ENTPD1: variants seen among roughly 807,000 people sequenced by gnomAD.
The protein encoded by ENTPD1 is ATP diphosphohydrolase.
In ENTPD1, 33 loss-of-function variants were observed where a neutral mutation model predicts 57.0. That is an observed-to-expected ratio of 0.58 (90% CI 0.44 to 0.77). The LOEUF (loss-of-function observed/expected upper bound fraction) is 0.77, where lower values mean the gene tolerates loss of function less well. Ranked by LOEUF, ENTPD1 falls within the 30% of genes least tolerant of loss-of-function variation. The pLI is 0.00. For synonymous variants in ENTPD1, 202 were observed against 218.8 expected, an observed-to-expected ratio of 0.92 and a Z score of 0.68; for missense variants, 501 against 603.4, an observed-to-expected ratio of 0.83 and a Z score of 1.78.
chr10:95,859,569 A>G lies in ENTPD1; in HGVS notation c.1075-900A>G, dbSNP rs552275117. 2.0e-4 allele frequency among the ~76,000 whole-genome samples: 30 copies of G among 152,314 alleles called. 1 individual carries two copies. In the South Asian group the frequency reaches 6.2e-3, roughly 32 times the overall value. ...AAATGATGTGCTCCTTTAATATCCA[A>G]CATGATTTCCCCCTAAAAACTGGCA... On this transcript the variant is annotated intron_variant, in intron 7 of 9. Transcript: ENST00000371205.
chr10:95,806,130 A>G (rs1272105794), intron 1 of ENTPD1, among the ~76,000 whole-genome samples: 2 of 152,228 alleles, frequency 1.3e-5, no homozygotes. Context: ...AGGTACACCA[A>G]TCAGACATAG....
chr10:95,756,907 T>A (rs1165618088), intron 1 of ENTPD1, among the ~76,000 whole-genome samples: 1 of 152,224 alleles, frequency 6.6e-6, no homozygotes, highest in Non-Finnish European at 1.5e-5. Context: ...AGGTCACATC[T>A]GACTACATTT....
chr10:95,803,843 A>C (rs994818361), intron 1 of ENTPD1, among the ~76,000 whole-genome samples: 1 of 152,238 alleles, frequency 6.6e-6, no homozygotes, highest in East Asian at 1.9e-4. Flanking sequence ...TAGGTCTAAC[A>C]TTTAAGTCTT....
chr10:95,762,802 T>C (rs2098071513), intron 1 of ENTPD1, among the ~76,000 whole-genome samples: 1 of 152,250 alleles, frequency 6.6e-6, no homozygotes, highest in Admixed American at 6.5e-5. Flanking sequence ...GGGCCCTTCA[T>C]GCTCTCAAAA....
rs184188472 is a variant in ENTPD1 at position 95,868,680 on chromosome 10, T to C, written c.*2297T>C. Reference sequence around the variant, plus strand: ...AATGAGGATCACACAAACTACTACATGGCAGAGCAGATACTCCAACTCATG... The same window carrying C: ...AATGAGGATCACACAAACTACTACACGGCAGAGCAGATACTCCAACTCATG... On this transcript the variant is annotated 3_prime_UTR_variant, in exon 10 of 10. Transcript: ENST00000371205. 3 of 979,886 alleles carry C rather than the reference T, an allele frequency of 3.1e-6. No individual in the cohort carries two copies. Among genetic ancestry groups the C allele is most frequent in the East Asian group, 1.1e-4 (1 of 8,782 alleles). The allele number at this position is 979,886 out of a possible 1,614,324, so 60.7% of individuals were successfully genotyped here. A position where few individuals can be genotyped will look rare whatever the true frequency, so the allele number is the denominator to read the frequency against.
intron 8 of ENTPD1, 39 bp downstream of exon 8, chr10:95,860,621 C>A: frequency 6.4e-7 from 1 of 1,560,690 alleles, no homozygotes; most frequent in Non-Finnish European, 8.8e-7. Flanking sequence ...AGCATGAGTG[C>A]CCTGTGTCGT....
At chr10:95,801,117 A>G (rs895235289) in intron 1 of ENTPD1, among the ~76,000 whole-genome samples, 2 of 152,142 alleles carry the variant, frequency 1.3e-5, no homozygotes, top group African/African-American at 4.8e-5. Flanking sequence ...TTCACAATTT[A>G]TTTTCTTCTG....
intron 4 of ENTPD1, 129 bp from the exon 5 acceptor site, chr10:95,844,347 A>G (rs181182384): frequency 1.6e-6 from 2 of 1,284,456 alleles, no homozygotes; most frequent in East Asian, 4.6e-5. Context: ...GAAGATCCCC[A>G]TCTCTTCATT....
intron 1 of ENTPD1, among the ~76,000 whole-genome samples, chr10:95,782,315 A>G (rs778555197): frequency 1.3e-5 from 2 of 152,246 alleles, no homozygotes; most frequent in Non-Finnish European, 2.9e-5. Flanking sequence ...TATTGAGTGA[A>G]GAACTGAAAA....
At chr10:95,774,956 T>C (rs369427831) in intron 1 of ENTPD1, among the ~76,000 whole-genome samples, 1 of 152,140 alleles carries the variant, frequency 6.6e-6, no homozygotes, top group East Asian at 1.9e-4. Context: ...ATTCTTCCTA[T>C]CCATGAGCAT....
chr10:95,875,914 G>A lies in ENTPD1; in HGVS notation c.*9531G>A, dbSNP rs1325472875. 1 of 955,802 alleles carries A rather than the reference G, an allele frequency of 1.0e-6. No homozygotes were observed. The highest frequency in any genetic ancestry group is 1.8e-5 in the African/African-American group (1 of 56,618). The allele number at this position is 955,802 out of a possible 1,614,324, so 59.2% of individuals were successfully genotyped here. A position where few individuals can be genotyped will look rare whatever the true frequency, so the allele number is the denominator to read the frequency against. On this transcript the variant is annotated 3_prime_UTR_variant, in exon 10 of 10. Coordinates refer to ENST00000371205, the MANE Select transcript of ENTPD1 (RefSeq NM_001776.6). ...TCCCCCTGGGTCCTGTGGGAATTCT[G>A]GAAGGTACAATTCAAGTTGAGATTT...
At chr10:95,782,122 AT>A (rs1476941930) in intron 1 of ENTPD1, among the ~76,000 whole-genome samples, 1 of 152,218 alleles carries the variant, frequency 6.6e-6, no homozygotes, top group East Asian at 1.9e-4. Context: ...CCATGAAGGC[AT>A]TGGTTTGCAG....
At chr10:95,793,614 C>G (rs955314513) in intron 1 of ENTPD1, among the ~76,000 whole-genome samples, 5 of 152,152 alleles carry the variant, frequency 3.3e-5, no homozygotes, top group African/African-American at 1.2e-4. Flanking sequence ...ATGCCCTGGC[C>G]TCACCTCAGA....
chr10:95,712,884 A>C (rs1321711733), intron 1 of ENTPD1, among the ~76,000 whole-genome samples: 2 of 152,142 alleles, frequency 1.3e-5, no homozygotes. Flanking sequence ...AATACAAAAA[A>C]TTAGCCGGGT....
In ENTPD1 at chr10:95,790,736, GTCTT is replaced by G. The variant is rs1471180940; in HGVS notation, c.17-32498_17-32495del. Among the ~76,000 whole-genome samples the G allele has an allele frequency of 2.6e-5, 4 of 152,076 alleles. No individual in the cohort carries two copies. In the East Asian group the frequency reaches 7.7e-4, roughly 29 times the overall value. ...CAGTATGAAAAAAATGTATAGCAGA[GTCTT>G]TCATGATATGCCCAAAGATGAGTTG... On this transcript the variant is annotated intron_variant, in intron 1 of 9. Coordinates refer to ENST00000371205, the MANE Select transcript of ENTPD1 (RefSeq NM_001776.6).
chr10:95,832,071 A>C (rs2098398181), intron 2 of ENTPD1, among the ~76,000 whole-genome samples: 1 of 152,238 alleles, frequency 6.6e-6, no homozygotes, highest in South Asian at 2.1e-4. Flanking sequence ...AGCCAGCACA[A>C]CATCTGATTT....
intron 1 of ENTPD1, among the ~76,000 whole-genome samples, chr10:95,715,896 A>G (rs925717635): frequency 2.0e-5 from 3 of 152,132 alleles, no homozygotes; most frequent in African/African-American, 7.2e-5. Context: ...ACAGGGTTTC[A>G]TTCTGTCACT....
chr10:95,725,503 C>G (rs1038386075), intron 1 of ENTPD1, among the ~76,000 whole-genome samples: 15 of 152,164 alleles, frequency 9.9e-5, no homozygotes, highest in Non-Finnish European at 2.2e-4. Context: ...AGCAATTTGT[C>G]TGGGATTAAA....
intron 1 of ENTPD1, among the ~76,000 whole-genome samples, chr10:95,762,710 A>G (rs2098070996): frequency 6.6e-6 from 1 of 152,214 alleles, no homozygotes. Flanking sequence ...ACAGGATCCC[A>G]GAAATAGACT....
Sources: gnomAD v4.1 joint callset for allele counts (sites outside exome capture counted in the v4.1 genomes callset) on GRCh38, gnomAD v4.1.1 for gene constraint, MANE v1.5 for transcripts, NCBI Gene and HGNC (gene_info 2026-07-23, HGNC 2026-07-21) for gene names.